SLF2: variants seen among roughly 807,000 people sequenced by gnomAD.
SLF2 encodes SMC5/6 complex localization factor 2.
A neutral mutation model predicts 124.3 loss-of-function variants in SLF2; 68 were observed. The observed-to-expected ratio is 0.55, with a 90% CI of 0.45 to 0.67. The LOEUF is 0.67. SLF2 is among the 30% of genes least tolerant of loss of function. The pLI is 0.00. For missense variants in SLF2, 1,246 were observed against 1,373.7 expected (o/e 0.91, Z 1.47); for synonymous variants, 480 against 478.8 (o/e 1.00, Z -0.03).
chr10:100,933,784 A>T lies in SLF2; in HGVS notation c.2436+2706A>T, dbSNP rs1055728051. On this transcript the variant is annotated intron_variant, in intron 9 of 19. Coordinates refer to ENST00000238961, the MANE Select transcript of SLF2 (RefSeq NM_018121.4). ...AACCTCCGCCTCCTAGGTTCAAGCAATTCTCCTGCTCAGCCTCTCAAGTAG... is the reference window on the plus strand; with the variant it reads ...AACCTCCGCCTCCTAGGTTCAAGCATTTCTCCTGCTCAGCCTCTCAAGTAG... Among the ~76,000 whole-genome samples, 3 of 152,076 alleles carry T rather than the reference A, an allele frequency of 2.0e-5. No individual in the cohort carries two copies. In the South Asian group the frequency reaches 6.2e-4, roughly 32 times the overall value.
At chr10:100,951,224 C>T (rs961100477) in intron 17 of SLF2, among the ~76,000 whole-genome samples, 1 of 152,148 alleles carries the variant, frequency 6.6e-6, no homozygotes, top group Non-Finnish European at 1.5e-5. Context: ...GCCTGGGCAA[C>T]AAGAGTGAAA....
rs562366257 is a variant in SLF2 at position 100,963,577 on chromosome 10, C to T, written c.*1665C>T. 15 of 152,724 alleles carry T rather than the reference C, an allele frequency of 9.8e-5. No individual in the cohort carries two copies. The South Asian group carries it at 2.1e-3, about 21-fold the overall frequency. The allele number at this position is 152,724 out of a possible 1,614,324, so 9.5% of individuals were successfully genotyped here. ...GAAACTCTGGCATCTATCTGCCCAA[C>T]GATGGGGGCTTTCGTTCTGTAATTT... On this transcript the variant is annotated 3_prime_UTR_variant, in exon 20 of 20. Transcript: ENST00000238961.
intron 9 of SLF2, among the ~76,000 whole-genome samples, chr10:100,932,245 A>C (rs1849751276): frequency 1.4e-5 from 2 of 141,798 alleles, no homozygotes; most frequent in Admixed American, 1.5e-4. Flanking sequence ...ACATAGCAAG[A>C]CCACATCTGT....
chr10:100,916,511 G>C, intron 2 of SLF2, 59 bp from the exon 3 acceptor site: 4 of 1,192,868 alleles, frequency 3.4e-6, no homozygotes, highest in East Asian at 6.6e-5. Context: ...TAATAATTTA[G>C]ATAAATATTA....
intron 3 of SLF2, 88 bp from the exon 4 acceptor site, chr10:100,918,296 G>T: frequency 1.3e-6 from 1 of 788,820 alleles, no homozygotes; most frequent in Non-Finnish European, 2.0e-6. Flanking sequence ...ATTCAATCTA[G>T]AAATCTGTGT....
In SLF2 at chr10:100,924,593, C is replaced by T. The variant is rs1371660859; in HGVS notation, c.1592C>T (p.Ala531Val). 3 of 1,613,946 alleles carry T rather than the reference C, an allele frequency of 1.9e-6. No individual in the cohort carries two copies. In the African/African-American group the frequency reaches 4.0e-5, roughly 22 times the overall value. ...HKEHKAKTNKADSNVSSGKIS... is the reference protein window; with the variant it reads ...HKEHKAKTNKVDSNVSSGKIS... ...GAACACAAAGCAAAGACTAATAAGGCCGATTCTAATGTATCTTCAGGGAAA... is the reference window on the plus strand; with the variant it reads ...GAACACAAAGCAAAGACTAATAAGGTCGATTCTAATGTATCTTCAGGGAAA... Residue 531 changes from alanine (A) to valine (V), a missense_variant, in exon 5 of 20, where the codon GCC (alanine) becomes GTC (valine). Around this residue, in one of 3 missense-constraint regions of SLF2, gnomAD observed 698 missense variants for 708.9 expected, o/e 0.98. Transcript: ENST00000238961.
chr10:100,954,651 A>G (rs1410892893), intron 17 of SLF2, among the ~76,000 whole-genome samples: 1 of 151,258 alleles, frequency 6.6e-6, no homozygotes, highest in Non-Finnish European at 1.5e-5. Flanking sequence ...GTTCCTATAG[A>G]AAAAAAAATA....
intron 3 of SLF2, among the ~76,000 whole-genome samples, chr10:100,917,919 CAAATAAATAAAT>C (rs76103040): frequency 6.6e-6 from 1 of 151,586 alleles, no homozygotes; most frequent in Non-Finnish European, 1.5e-5. Context: ...GGCTCTACTA[CAAATAAATAAAT>C]AAATAAATAA....
intron 4 of SLF2, among the ~76,000 whole-genome samples, chr10:100,918,837 T>C (rs1849471793): frequency 6.6e-6 from 1 of 152,070 alleles, no homozygotes; most frequent in African/African-American, 2.4e-5. Context: ...TTGCCCAGGC[T>C]GGTCTCAAAC....
Position 100,913,051 on chromosome 10 carries a change from G to A in SLF2, c.-60G>A. 1 of 1,580,484 alleles carries A rather than the reference G, an allele frequency of 6.3e-7. No homozygotes were observed. On this transcript the variant is annotated 5_prime_UTR_variant, in exon 1 of 20. Transcript: ENST00000238961. ...CTCCCGGAGTCCCAGCAGCAAGACG[G>A]CAACCACGCACCCAACTTCTCCAGC...
chr10:100,949,053 C>T (rs1325054135), intron 15 of SLF2, among the ~76,000 whole-genome samples: 2 of 152,190 alleles, frequency 1.3e-5, no homozygotes, highest in Non-Finnish European at 2.9e-5. Flanking sequence ...AATTAACCAA[C>T]TCTTATGGGT....
chr10:100,913,044 C>T lies in SLF2; in HGVS notation c.-67C>T. The T allele has an allele frequency of 6.4e-7, 1 of 1,564,422 alleles. No individual in the cohort carries two copies. The highest frequency in any genetic ancestry group is 8.7e-7 in the Non-Finnish European group (1 of 1,149,662). The stretch of plus-strand genomic sequence containing the variant: ...CGACAGCCTCCCGGAGTCCCAGCAG[C>T]AAGACGGCAACCACGCACCCAACTT... On this transcript the variant is annotated 5_prime_UTR_variant, in exon 1 of 20. It introduces an in-frame stop codon into an upstream open reading frame of the 5' UTR. Coordinates refer to ENST00000238961, the MANE Select transcript of SLF2 (RefSeq NM_018121.4).
At chr10:100,915,624 G>A (rs1849399859) in intron 1 of SLF2, among the ~76,000 whole-genome samples, 1 of 152,084 alleles carries the variant, frequency 6.6e-6, no homozygotes, top group African/African-American at 2.4e-5. Context: ...TTGTATCAAT[G>A]TCTGCAGAGA....
chr10:100,939,448 C>T (rs1317158122), intron 11 of SLF2, among the ~76,000 whole-genome samples: 4 of 151,394 alleles, frequency 2.6e-5, no homozygotes, highest in Admixed American at 6.6e-5. Context: ...GAGGCCAAGG[C>T]GGGCGGATCA....
chr10:100,950,013 T>A (rs1850179524), intron 15 of SLF2, 63 bp from the exon 16 acceptor site: 1 of 1,434,132 alleles, frequency 7.0e-7, no homozygotes, highest in African/African-American at 1.4e-5. Context: ...TGGAAAAAAA[T>A]AGCCTAAGAA....
chr10:100,917,531 C>A (rs1849440934), intron 3 of SLF2, among the ~76,000 whole-genome samples: 1 of 151,918 alleles, frequency 6.6e-6, no homozygotes, highest in African/African-American at 2.4e-5. Flanking sequence ...GAACAAAGAT[C>A]TTTTTTAGTC....
intron 12 of SLF2, among the ~76,000 whole-genome samples, chr10:100,944,356 A>AG (rs1850053281): frequency 4.6e-5 from 7 of 151,020 alleles, no homozygotes; most frequent in African/African-American, 1.7e-4. Context: ...TTAGCCAGGC[A>AG]TGGCAGCGGG....
chr10:100,937,325 T>G, intron 9 of SLF2, 77 bp from the exon 10 acceptor site: 1 of 1,199,472 alleles, frequency 8.3e-7, no homozygotes, highest in South Asian at 1.2e-5. Flanking sequence ...TAAAACAACT[T>G]TATATGTGCC....
At position 100,924,810 on chromosome 10, in the gene SLF2, T is replaced by C; in HGVS notation, c.1809T>C (p.Ser603=). The part of the protein sequence containing the change: ...LKRKLRGDFD[S]DEESLGYNLD... ...GAAAACTAAGGGGTGATTTTGATAG[T>C]GATGAAGAAAGTTTAGGTTACAACC... Residue 603 remains serine (S), a synonymous_variant, in exon 5 of 20, where the codon AGT becomes AGC. Transcript: ENST00000238961. 7 of 1,614,068 alleles carry C rather than the reference T, an allele frequency of 4.3e-6. No individual in the cohort carries two copies. The highest frequency in any genetic ancestry group is 5.9e-6 in the Non-Finnish European group (7 of 1,180,022).
Sources: gnomAD v4.1 joint callset for allele counts (sites outside exome capture counted in the v4.1 genomes callset) on GRCh38, gnomAD v4.1.1 for gene constraint, gnomAD v4.1.1 regional missense constraint, MANE v1.5 for transcripts, NCBI Gene and HGNC (gene_info 2026-07-23, HGNC 2026-07-21) for gene names.